MFHAS1: variants seen among roughly 807,000 people sequenced by gnomAD.
MFHAS1 encodes malignant fibrous histiocytoma-amplified sequence 1.
In MFHAS1, 50 loss-of-function variants were observed where a neutral mutation model predicts 70.4. The observed-to-expected ratio is 0.71, with a 90% CI of 0.57 to 0.90. The LOEUF is 0.90. MFHAS1 is among the 40% of genes least tolerant of loss of function. The pLI is 0.00. For synonymous variants in MFHAS1, 952 were observed against 620.0 expected, an observed-to-expected ratio of 1.54 and a Z score of -7.96; for missense variants, 1,795 against 1,347.6, an observed-to-expected ratio of 1.33 and a Z score of -5.20.
chr8:8,891,154 T>A lies in MFHAS1; in HGVS notation c.1905A>T (p.Leu635Phe), dbSNP rs372091548. Residue 635 changes from leucine (L) to phenylalanine (F), a missense_variant, in exon 1 of 3, where the codon TTA becomes TTT. Transcript: ENST00000276282. This position sits in a 1 kb window ranked among gnomAD's most constrained non-coding sequence, Gnocchi z 5.4. ...ACAGCAACTTGTCCCGAAGGCGTCG[T>A]AAGTGGCGCGGGTCCCTGCAGCTAA... ...LPVSCRDPRHLRRLRDKLLSV... is the reference protein window; with the variant it reads ...LPVSCRDPRHFRRLRDKLLSV... 9.9e-6 allele frequency: 16 copies of A among 1,613,392 alleles called. No individual in the cohort carries two copies. The African/African-American group carries it at 1.7e-4, about 17-fold the overall frequency.
In MFHAS1 at chr8:8,892,945, C is replaced by T. The variant is rs763321868; in HGVS notation, c.114G>A (p.Gly38=). The T allele has an allele frequency of 3.0e-5, 47 of 1,547,034 alleles. No individual in the cohort carries two copies. The highest frequency in any genetic ancestry group is 4.0e-5 in the Non-Finnish European group (46 of 1,149,426). Residue 38 remains glycine, a synonymous_variant, in exon 1 of 3, where the codon GGG becomes GGA. Coordinates refer to ENST00000276282, the MANE Select transcript of MFHAS1 (RefSeq NM_004225.3). The surrounding 1 kb of genome is among the most constrained non-coding windows in gnomAD (Gnocchi z 4.7). Reference sequence around the variant, plus strand: ...CGTCGGCCCCGGCCCCGGGGCAGGCCCCGGCGGCGGTAAGCGTGAGCTGGC... The same window carrying T: ...CGTCGGCCCCGGCCCCGGGGCAGGCTCCGGCGGCGGTAAGCGTGAGCTGGC... ...NLRQLTLTAA[G]ACPGAGADAL... is the part of the protein sequence containing the mutation.
Position 8,891,214 on chromosome 8 carries a change from G to A in MFHAS1, c.1845C>T (p.Asn615=), listed in dbSNP as rs768668649. The A allele has an allele frequency of 8.1e-6, 13 of 1,612,614 alleles. No homozygotes were observed. Among genetic ancestry groups the A allele is most frequent in the African/African-American group, 2.7e-5 (2 of 74,946 alleles). ...RRKAHFQYLL[N]HRLQILSPVL... ...CGGGGGAGAGGATCTGCAGCCGGTG[G>A]TTGAGCAGGTATTGAAAATGGGCCT... The change falls in exon 1 of 3, where the codon AAC becomes AAT. Residue 615 remains asparagine (N), a synonymous_variant. Transcript: ENST00000276282. The surrounding 1 kb of genome is among the most constrained non-coding windows in gnomAD (Gnocchi z 5.4).
intron 1 of MFHAS1, among the ~76,000 whole-genome samples, chr8:8,851,293 A>C (rs1808240176): frequency 6.6e-6 from 1 of 152,224 alleles, no homozygotes; most frequent in South Asian, 2.1e-4. Flanking sequence ...AATATTTAGC[A>C]TTCCTCCAGC....
chr8:8,816,108 C>G (rs1021619146), intron 1 of MFHAS1, among the ~76,000 whole-genome samples: 13 of 152,068 alleles, frequency 8.5e-5, no homozygotes, highest in African/African-American at 3.1e-4. Context: ...ACAATGCAAG[C>G]TAAGCTGGAG....
At position 8,891,363 on chromosome 8, in the gene MFHAS1, C is replaced by T. The variant is rs1366769478; in HGVS notation, c.1696G>A (p.Ala566Thr). 1 of 1,611,258 alleles carries T rather than the reference C, an allele frequency of 6.2e-7. No homozygotes were observed. Among genetic ancestry groups the T allele is most frequent in the Non-Finnish European group, 8.5e-7 (1 of 1,180,026 alleles). Residue 566 changes from alanine to threonine, a missense_variant, in exon 1 of 3, where the codon GCG becomes ACG. Coordinates refer to ENST00000276282, the MANE Select transcript of MFHAS1 (RefSeq NM_004225.3). This position sits in a 1 kb window ranked among gnomAD's most constrained non-coding sequence, Gnocchi z 5.4. The stretch of plus-strand genomic sequence containing the variant: ...TTGGCCAAGCGGCTCAGTCCCTCCG[C>T]GTCGTGCTTCTCCTGCAGGGCGATC... ...RQIALQEKHDAEGLSRLAKVV... is the reference protein window; with the variant it reads ...RQIALQEKHDTEGLSRLAKVV...
Position 8,892,363 on chromosome 8 carries a change from G to T in MFHAS1, c.696C>A (p.Leu232=), listed in dbSNP as rs995577351. Residue 232 remains leucine (L), a synonymous_variant, in exon 1 of 3, where the codon CTC becomes CTA. Coordinates refer to ENST00000276282, the MANE Select transcript of MFHAS1 (RefSeq NM_004225.3). This position sits in a 1 kb window ranked among gnomAD's most constrained non-coding sequence, Gnocchi z 4.7. ...DISALRALKI[L]WLSGAELGTL... ...TGCCAAGCTCGGCCCCACTCAGCCA[G>T]AGGATCTTGAGGGCACGCAGGGCAC... The T allele has an allele frequency of 2.1e-5, 34 of 1,612,240 alleles. No homozygotes were observed. Among genetic ancestry groups the T allele is most frequent in the Non-Finnish European group, 2.8e-5 (33 of 1,179,964 alleles).
In MFHAS1 at chr8:8,845,290, A is replaced by T. The variant is rs1429539957; in HGVS notation, c.2998+44771T>A. Among the ~76,000 whole-genome samples, 5 of 152,234 alleles carry T rather than the reference A, an allele frequency of 3.3e-5. 1 individual carries two copies. Among genetic ancestry groups the T allele is most frequent in the Admixed American group, 1.3e-4 (2 of 15,282 alleles). ...CCTATAGACACTTAAAAACTTTTTT[A>T]AAAAGGTGCTTTCATCATCAATACC... On this transcript the variant is annotated intron_variant, in intron 1 of 2. Transcript: ENST00000276282.
intron 1 of MFHAS1, among the ~76,000 whole-genome samples, chr8:8,886,537 C>A (rs773083580): frequency 6.6e-6 from 1 of 152,152 alleles, no homozygotes; most frequent in African/African-American, 2.4e-5. Flanking sequence ...TGGTCAACTA[C>A]AGTAGGGCAG....
rs148762207 is a variant in MFHAS1, at chr8:8,796,199, G to C, written c.3125+1166C>G. Among the ~76,000 whole-genome samples, 15 of 152,270 alleles carry C rather than the reference G, an allele frequency of 9.9e-5. No individual in the cohort carries two copies. The East Asian group carries it at 2.5e-3, about 25-fold the overall frequency. On this transcript the variant is annotated intron_variant, in intron 2 of 2. Transcript: ENST00000276282. The stretch of plus-strand genomic sequence containing the variant: ...TCTGAAAGTTACTTGGCATGTGTGC[G>C]TTCTCTGTCTTCAAGTCCATTTTGG...
At chr8:8,828,308 A>T (rs1235704859) in intron 1 of MFHAS1, among the ~76,000 whole-genome samples, 1 of 152,240 alleles carries the variant, frequency 6.6e-6, no homozygotes, top group East Asian at 1.9e-4. Flanking sequence ...ATATAGTTTG[A>T]ACTTACACTT....
chr8:8,866,011 A>G (rs1235396654), intron 1 of MFHAS1, among the ~76,000 whole-genome samples: 1 of 152,236 alleles, frequency 6.6e-6, no homozygotes, highest in Non-Finnish European at 1.5e-5. Context: ...AACCTCAAAC[A>G]GAGGTGATGA....
At chr8:8,870,364 G>T (rs1324842691) in intron 1 of MFHAS1, among the ~76,000 whole-genome samples, 1 of 151,930 alleles carries the variant, frequency 6.6e-6, no homozygotes, top group Non-Finnish European at 1.5e-5. Context: ...AACTCGGGAG[G>T]CTGCAGTGGA....
At chr8:8,787,449 C>T (rs944975805) in intron 2 of MFHAS1, among the ~76,000 whole-genome samples, 1 of 152,108 alleles carries the variant, frequency 6.6e-6, no homozygotes, top group Non-Finnish European at 1.5e-5. Context: ...TGCATACTAG[C>T]GAGTGACAGA....
chr8:8,806,782 G>A (rs936166863), intron 1 of MFHAS1, among the ~76,000 whole-genome samples: 1 of 152,078 alleles, frequency 6.6e-6, no homozygotes, highest in Non-Finnish European at 1.5e-5. Context: ...CCAACATGTT[G>A]AAACCCCATC....
At chr8:8,863,260 A>G (rs1373043834) in intron 1 of MFHAS1, among the ~76,000 whole-genome samples, 1 of 152,224 alleles carries the variant, frequency 6.6e-6, no homozygotes. Context: ...CAGGCAGTGT[A>G]ACTTAGAATA....
At chr8:8,867,047 C>G (rs1808886003) in intron 1 of MFHAS1, among the ~76,000 whole-genome samples, 1 of 152,140 alleles carries the variant, frequency 6.6e-6, no homozygotes, top group South Asian at 2.1e-4. Context: ...TTGGTATGAT[C>G]TATTTTTAGC....
At chr8:8,870,679 G>A (rs1429533660) in intron 1 of MFHAS1, among the ~76,000 whole-genome samples, 1 of 151,836 alleles carries the variant, frequency 6.6e-6, no homozygotes, top group Non-Finnish European at 1.5e-5. Flanking sequence ...ATTCCATCCC[G>A]CAGGCCTCTC....
intron 1 of MFHAS1, among the ~76,000 whole-genome samples, chr8:8,835,183 T>C (rs1585042864): frequency 1.8e-5 from 1 of 54,298 alleles, no homozygotes; most frequent in Non-Finnish European, 4.9e-5. Context: ...TTTGGGGTAA[T>C]GGGAGTGAAT....
chr8:8,809,129 C>A (rs1175622396), intron 1 of MFHAS1, among the ~76,000 whole-genome samples: 1 of 152,160 alleles, frequency 6.6e-6, no homozygotes, highest in Non-Finnish European at 1.5e-5. Flanking sequence ...TTGTCACTCC[C>A]ATCACCACCA....
Sources: gnomAD v4.1 joint callset for allele counts (sites outside exome capture counted in the v4.1 genomes callset) on GRCh38, gnomAD v4.1.1 for gene constraint, Gnocchi (gnomAD v3.1) non-coding constraint, MANE v1.5 for transcripts, NCBI Gene and HGNC (gene_info 2026-07-23, HGNC 2026-07-21) for gene names.